GLB1L2: variants seen among roughly 807,000 people sequenced by gnomAD.
GLB1L2 encodes the protein beta-galactosidase-1-like protein 2.
GLB1L2 carries 68 observed loss-of-function variants against 84.1 expected under a neutral mutation model. The ratio of observed to expected loss-of-function variants is 0.81; its 90% confidence interval spans 0.67 to 0.99. The LOEUF (loss-of-function observed/expected upper bound fraction) is 0.99, where lower values mean the gene tolerates loss of function less well. Ranked by LOEUF, GLB1L2 falls within the 50% of genes least tolerant of loss-of-function variation. The pLI is 0.00. For missense variants in GLB1L2, 762 were observed against 805.6 expected (o/e 0.95, Z 0.66); for synonymous variants, 290 against 318.0 (o/e 0.91, Z 0.94).
Position 134,367,351 on chromosome 11 carries a change from T to G in GLB1L2, c.889+10T>G. ...ATCTTGGATTCTTCTGGTGAGTGCT[T>G]GCGGTGACTACATCCAGAATGTGTG... On this transcript the variant is annotated intron_variant, in intron 9 of 18. Coordinates refer to ENST00000535456, the MANE Select transcript of GLB1L2 (RefSeq NM_001370461.1). 6.2e-7 allele frequency: 1 copy of G among 1,608,694 alleles called. No homozygotes were observed.
intron 10 of GLB1L2, among the ~76,000 whole-genome samples, chr11:134,369,284 CT>C (rs1433669577): frequency 1.3e-5 from 2 of 152,208 alleles, no homozygotes; most frequent in African/African-American, 4.8e-5. Context: ...CCTCAAATAC[CT>C]GGGCTCAAGT....
chr11:134,363,827 C>T (rs190117241), intron 7 of GLB1L2, among the ~76,000 whole-genome samples: 2 of 152,140 alleles, frequency 1.3e-5, no homozygotes, highest in African/African-American at 2.4e-5. Context: ...GCTGCTGTGG[C>T]GGAGTCTCCA....
At chr11:134,371,644 T>G in intron 14 of GLB1L2, 108 bp from the exon 15 acceptor site, 4 of 1,183,760 alleles carry the variant, frequency 3.4e-6, no homozygotes, top group Middle Eastern at 2.5e-4. Flanking sequence ...CCAGCTGGGA[T>G]GTACACTCCC....
At chr11:134,344,572 A>G (rs1047376987) in intron 3 of GLB1L2, 117 bp downstream of exon 3, 43 of 1,167,128 alleles carry the variant, frequency 3.7e-5, no homozygotes, top group Non-Finnish European at 5.5e-5. Flanking sequence ...GTCCTGTTCT[A>G]GGACTGTGAG....
At chr11:134,335,341 A>G (rs968382839) in intron 1 of GLB1L2, among the ~76,000 whole-genome samples, 10 of 151,616 alleles carry the variant, frequency 6.6e-5, no homozygotes, top group Non-Finnish European at 1.3e-4. Flanking sequence ...GGCCTTGCCT[A>G]TTCTAGGACT....
chr11:134,343,468 C>A (rs971465831), intron 2 of GLB1L2, among the ~76,000 whole-genome samples: 1 of 152,158 alleles, frequency 6.6e-6, no homozygotes, highest in East Asian at 1.9e-4. Flanking sequence ...TTGTGAATAA[C>A]CTGGATCTTT....
In GLB1L2 at chr11:134,373,908, G is replaced by C; in HGVS notation, c.1595+100G>C. ...GCACCGTGGCCTGGCCCGCACCCAG[G>C]TGTGAACGCCTCCAGGGGCCAGATC... On this transcript the variant is annotated intron_variant, in intron 16 of 18. Coordinates refer to ENST00000535456, the MANE Select transcript of GLB1L2 (RefSeq NM_001370461.1). 3 of 905,600 alleles carry C rather than the reference G, an allele frequency of 3.3e-6. No homozygotes were observed. The South Asian group carries it at 4.7e-5, about 14-fold the overall frequency. 56.1% of individuals were successfully genotyped at this position (905,600 alleles called of 1,614,324 possible). A position where few individuals can be genotyped will look rare whatever the true frequency, so the allele number is the denominator to read the frequency against.
rs537430392 is a variant in GLB1L2, at chr11:134,343,107, A to G, written c.284+156A>G. On this transcript the variant is annotated intron_variant, in intron 2 of 18. Coordinates refer to ENST00000535456, the MANE Select transcript of GLB1L2 (RefSeq NM_001370461.1). ...CTCCCCACCACAGAGCTCCTGACTC[A>G]TGGGCGCCAAGGGACATGAAATGGA... Among the ~76,000 whole-genome samples, 125 of 152,330 alleles carry G rather than the reference A, an allele frequency of 8.2e-4. 1 individual carries two copies. The highest frequency in any genetic ancestry group is 2.9e-3 in the African/African-American group (119 of 41,588).
chr11:134,345,317 C>T (rs1159993439), intron 4 of GLB1L2, among the ~76,000 whole-genome samples, 188 bp downstream of exon 4: 1 of 152,260 alleles, frequency 6.6e-6, no homozygotes, highest in Non-Finnish European at 1.5e-5. Flanking sequence ...GCAGTGAGTG[C>T]CCTCACGTAG....
At chr11:134,361,775 C>CAT (rs1483545873) in intron 7 of GLB1L2, among the ~76,000 whole-genome samples, 4 of 152,118 alleles carry the variant, frequency 2.6e-5, no homozygotes, top group Admixed American at 1.3e-4. Flanking sequence ...TGCTTGGCTG[C>CAT]ATCCCGCGTG....
In GLB1L2 at chr11:134,339,143, G is replaced by A. The variant is rs879853034; in HGVS notation, c.87-3611G>A. Among the ~76,000 whole-genome samples, 62 of 152,286 alleles carry A rather than the reference G, an allele frequency of 4.1e-4. No individual in the cohort carries two copies. The highest frequency in any genetic ancestry group is 7.9e-4 in the Non-Finnish European group (54 of 68,028). On this transcript the variant is annotated intron_variant, in intron 1 of 18. Transcript: ENST00000535456. The surrounding 1 kb of genome is among the most constrained non-coding windows in gnomAD (Gnocchi z 5.7). ...TCCCCAAGAAAAGTGACAGAAACAC[G>A]CTGGGCTTCCTTAGGATTTGGTTAG...
intron 1 of GLB1L2, among the ~76,000 whole-genome samples, chr11:134,337,433 G>A (rs1943403047): frequency 6.6e-6 from 1 of 152,220 alleles, no homozygotes; most frequent in South Asian, 2.1e-4. Context: ...TGAAGTTCCT[G>A]GAGCCCGGGG....
At chr11:134,368,214 A>T (rs1386764610) in intron 9 of GLB1L2, among the ~76,000 whole-genome samples, 1 of 152,220 alleles carries the variant, frequency 6.6e-6, no homozygotes, top group Non-Finnish European at 1.5e-5. Context: ...CTCCTTTGCT[A>T]TGATCTTGTT....
At chr11:134,360,271 T>C (rs1943764261) in intron 7 of GLB1L2, 1 of 152,248 alleles carries the variant, frequency 6.6e-6, no homozygotes, top group Non-Finnish European at 1.5e-5. Flanking sequence ...TGCTGGAAGA[T>C]CTCTCTATAT....
Position 134,371,026 on chromosome 11 carries a change from C to T in GLB1L2, c.1234C>T (p.Pro412Ser). Reference protein sequence around the residue: ...YLGEPIKSEKPINMENLPVNG... With the variant: ...YLGEPIKSEKSINMENLPVNG... ...TACGCAGCCAATCAAGTCTGAAAAG[C>T]CCATCAACATGGAGAACCTGCCAGT... Residue 412 changes from proline to serine, a missense_variant, in exon 13 of 19, where the codon CCC becomes TCC. Coordinates refer to ENST00000535456, the MANE Select transcript of GLB1L2 (RefSeq NM_001370461.1). 6.2e-7 allele frequency: 1 copy of T among 1,614,162 alleles called. No homozygotes were observed. Among genetic ancestry groups the T allele is most frequent in the Non-Finnish European group, 8.5e-7 (1 of 1,180,032 alleles).
rs78358510 is a variant in GLB1L2, at chr11:134,339,908, C to T, written c.87-2846C>T. On this transcript the variant is annotated intron_variant, in intron 1 of 18. Transcript: ENST00000535456. The surrounding 1 kb of genome is among the most constrained non-coding windows in gnomAD (Gnocchi z 5.7). ...CCAGGTGTCTGCACTTTGAGTCAGG[C>T]GGCTGTGACCCTGAGGGAGTTCAGA... Among the ~76,000 whole-genome samples the T allele has an allele frequency of 0.016, 2,502 of 152,200 alleles. 23 individuals carry two copies. Among genetic ancestry groups the T allele is most frequent in the Non-Finnish European group, 0.026 (1,744 of 67,986 alleles).
chr11:134,375,031 C>T lies in GLB1L2; in HGVS notation c.1884C>T (p.His628=). 6.2e-7 allele frequency: 1 copy of T among 1,613,898 alleles called. No homozygotes were observed. Among genetic ancestry groups the T allele is most frequent in the Non-Finnish European group, 8.5e-7 (1 of 1,179,974 alleles). ...GPALQFTETP[H]LGRNQYIK Reference sequence around the variant, plus strand: ...CATTACAGTTCACGGAAACCCCCCACCTGGGCAGGAACCAGTACATTAAGT... The same window carrying T: ...CATTACAGTTCACGGAAACCCCCCATCTGGGCAGGAACCAGTACATTAAGT... Residue 628 remains histidine, a synonymous_variant, in exon 19 of 19, where the codon CAC becomes CAT. Coordinates refer to ENST00000535456, the MANE Select transcript of GLB1L2 (RefSeq NM_001370461.1).
intron 1 of GLB1L2, among the ~76,000 whole-genome samples, chr11:134,333,148 C>G (rs1256616403): frequency 6.6e-6 from 1 of 152,198 alleles, no homozygotes; most frequent in East Asian, 1.9e-4. Flanking sequence ...AACACACTGA[C>G]AAACTCTATG....
intron 7 of GLB1L2, 45 bp downstream of exon 7, chr11:134,359,186 G>A: frequency 7.1e-7 from 1 of 1,410,262 alleles, no homozygotes; most frequent in Non-Finnish European, 9.8e-7. Flanking sequence ...GGCGGCCCTG[G>A]GCTGGCTGTG....
Sources: allele counts gnomAD v4.1 joint callset (sites outside exome capture counted in the v4.1 genomes callset), GRCh38; gene constraint gnomAD v4.1.1; non-coding constraint Gnocchi (gnomAD v3.1); transcripts MANE v1.5; gene names NCBI Gene and HGNC (gene_info 2026-07-23, HGNC 2026-07-21).